Variants in KCNAB2 observed in about 807,000 individuals in gnomAD.
KCNAB2 encodes voltage-gated potassium channel subunit beta-2.
KCNAB2 carries 29 observed loss-of-function variants against 63.6 expected under a neutral mutation model. The ratio of observed to expected loss-of-function variants is 0.46; its 90% confidence interval spans 0.34 to 0.62. The LOEUF is 0.62. Among genes scored for constraint, KCNAB2 ranks in the 20% least tolerant of loss-of-function variants. The pLI is 0.01. For synonymous variants in KCNAB2, 222 were observed against 224.2 expected (o/e 0.99, Z 0.09); for missense variants, 359 against 563.9 (o/e 0.64, Z 3.68).
rs4908763 is a variant in KCNAB2, at chr1:6,087,347, C to T, written c.426-120C>T. ...ATGGAGAAGTGCCCATTTCATGCCC[C>T]AGGCTCCTGGGTGGGAGGGCTTTCA... On this transcript the variant is annotated intron_variant, in intron 6 of 15. Transcript: ENST00000378083. This position sits in a 1 kb window ranked among gnomAD's most constrained non-coding sequence, Gnocchi z 6.4. 0.12 allele frequency: 135,972 copies of T among 1,088,954 alleles called. 9,216 individuals are homozygous for T. Among genetic ancestry groups the T allele is most frequent in the African/African-American group, 0.21 (13,739 of 64,466 alleles). 67.5% of individuals were successfully genotyped at this position (1,088,954 alleles called of 1,614,324 possible). A position where few individuals can be genotyped will look rare whatever the true frequency, so the allele number is the denominator to read the frequency against.
chr1:6,065,562 C>A (rs1203711825), intron 2 of KCNAB2, among the ~76,000 whole-genome samples: 1 of 152,134 alleles, frequency 6.6e-6, no homozygotes, highest in Non-Finnish European at 1.5e-5. Flanking sequence ...CCCTGCGCAG[C>A]CCCCCAGGCC....
intron 15 of KCNAB2, chr1:6,097,638 C>T (rs1329606139): frequency 2.6e-5 from 15 of 585,912 alleles, no homozygotes; most frequent in African/African-American, 5.6e-5. Flanking sequence ...GGGACGGTGG[C>T]GCTGCAGACT....
chr1:6,017,268 T>A (rs1658561274), intron 1 of KCNAB2, among the ~76,000 whole-genome samples: 1 of 152,100 alleles, frequency 6.6e-6, no homozygotes, highest in African/African-American at 2.4e-5. Context: ...GAGCTTTTTT[T>A]GAGATGAGGT....
At chr1:6,009,464 C>T (rs1658023675) in intron 1 of KCNAB2, among the ~76,000 whole-genome samples, 1 of 152,244 alleles carries the variant, frequency 6.6e-6, no homozygotes, top group Admixed American at 6.5e-5. Flanking sequence ...GATGCACGTC[C>T]CCTGTCTAGA....
Position 6,091,311 on chromosome 1 carries a change from CA to C in KCNAB2, c.646+5del. The C allele has an allele frequency of 6.5e-7, 1 of 1,527,172 alleles. No homozygotes were observed. Among genetic ancestry groups the C allele is most frequent in the Non-Finnish European group, 8.8e-7 (1 of 1,138,814 alleles). 94.6% of individuals were successfully genotyped at this position (1,527,172 alleles called of 1,614,324 possible). On this transcript the variant is annotated splice_donor_5th_base_variant and intron_variant, in intron 10 of 15. Transcript: ENST00000378083. ...TCAAGGACATTCATCATAGAAGGTA[CA>C]CAGTGCCCCCAGCCTGACTATTGAC... is the stretch of plus-strand genomic sequence containing the variant.
intron 15 of KCNAB2, chr1:6,097,561 A>G: frequency 1.1e-6 from 1 of 909,546 alleles, no homozygotes; most frequent in Non-Finnish European, 1.7e-6. Context: ...AGGAGGTTAG[A>G]ATGTGTGTCA....
chr1:6,075,041 G>T (rs555485325), intron 4 of KCNAB2, among the ~76,000 whole-genome samples: 7 of 152,052 alleles, frequency 4.6e-5, no homozygotes, highest in Non-Finnish European at 1.0e-4. Flanking sequence ...TCAGGGTGAA[G>T]TCTGGAGTTA....
chr1:6,062,262 C>T (rs542527231), intron 2 of KCNAB2, among the ~76,000 whole-genome samples: 1 of 148,760 alleles, frequency 6.7e-6, no homozygotes, highest in South Asian at 2.1e-4. Context: ...TGCAGTGAGC[C>T]AAGATTGCAC....
intron 2 of KCNAB2, among the ~76,000 whole-genome samples, chr1:6,055,792 TG>T (rs1347814605): frequency 6.6e-6 from 1 of 151,910 alleles, no homozygotes; most frequent in Non-Finnish European, 1.5e-5. Context: ...ACGGGGTGGG[TG>T]GGATGCTCCG....
At chr1:6,076,131 G>A (rs1254563469) in intron 4 of KCNAB2, among the ~76,000 whole-genome samples, 1 of 152,238 alleles carries the variant, frequency 6.6e-6, no homozygotes, top group Non-Finnish European at 1.5e-5. Context: ...CGCAGCAGCT[G>A]TACCCTGCAC....
chr1:6,057,082 T>A (rs960123754), intron 2 of KCNAB2, among the ~76,000 whole-genome samples: 1 of 150,948 alleles, frequency 6.6e-6, no homozygotes, highest in Non-Finnish European at 1.5e-5. Context: ...TTAATCTACT[T>A]TCCAAAGCAC....
chr1:6,067,164 G>A (rs530150803), intron 2 of KCNAB2, among the ~76,000 whole-genome samples: 3 of 152,282 alleles, frequency 2.0e-5, no homozygotes, highest in South Asian at 2.1e-4. Context: ...CCTTGATTGC[G>A]TCCAGAACCA....
rs980145448 is a variant in KCNAB2, at chr1:6,028,925, A to C, written c.-52-11592A>C. On this transcript the variant is annotated intron_variant, in intron 1 of 16. Coordinates refer to the KCNAB2 transcript ENST00000341524. The surrounding 1 kb of genome is among the most constrained non-coding windows in gnomAD (Gnocchi z 4.0). ...CCTTTGAGCTTCCAGGATGATTCGG[A>C]ATTTGGATGCAGCCACAGAAAGCCT... 6.6e-6 allele frequency among the ~76,000 whole-genome samples: 1 copy of C among 152,192 alleles called. No homozygotes were observed. Among genetic ancestry groups the C allele is most frequent in the African/African-American group, 2.4e-5 (1 of 41,446 alleles).
At chr1:6,072,711 G>T (rs750430313) in intron 2 of KCNAB2, 44 bp from the exon 3 acceptor site, 6 of 1,608,772 alleles carry the variant, frequency 3.7e-6, no homozygotes, top group Non-Finnish European at 5.1e-6. Context: ...GGCTGGCAGG[G>T]TCCTGCCTGG....
intron 2 of KCNAB2, among the ~76,000 whole-genome samples, chr1:6,065,176 A>G (rs4908754): frequency 0.34 from 51,772 of 152,100 alleles, 10,825 homozygotes; most frequent in African/African-American, 0.59. Flanking sequence ...GACCGGAGCA[A>G]GCACTGCCTT....
At position 6,084,544 on chromosome 1, in the gene KCNAB2, G is replaced by A. The variant is rs539999847; in HGVS notation, c.381-660G>A. 1.1e-3 allele frequency among the ~76,000 whole-genome samples: 161 copies of A among 152,292 alleles called. 1 individual carries two copies. Among genetic ancestry groups the A allele is most frequent in the Non-Finnish European group, 1.8e-3 (123 of 68,018 alleles). ...TGAAAAAAGATACTTGTCCCGGCGC[G>A]GTGGCTCACGCCTGGAATCCCAGCA... is the stretch of plus-strand genomic sequence containing the variant. On this transcript the variant is annotated intron_variant, in intron 5 of 15. Coordinates refer to ENST00000378083, the MANE Select transcript of KCNAB2 (RefSeq NM_001199862.2).
intron 2 of KCNAB2, among the ~76,000 whole-genome samples, chr1:6,056,897 AGT>A: frequency 6.6e-6 from 1 of 151,638 alleles, no homozygotes; most frequent in Non-Finnish European, 1.5e-5. Context: ...GCACCTATGA[AGT>A]CATCAGAAGC....
Position 6,008,848 on chromosome 1 carries a change from G to C in KCNAB2, c.-53+16060G>C, listed in dbSNP as rs12404082. ...GAGGTCACCTGGGGGACTTGTTTCC[G>C]TGGGAACCTCAGGCCTTGGGCCTGA... On this transcript the variant is annotated intron_variant, in intron 1 of 16. Transcript: ENST00000341524. Among the ~76,000 whole-genome samples, 7 of 152,280 alleles carry C rather than the reference G, an allele frequency of 4.6e-5. No homozygotes were observed. The East Asian group carries it at 1.4e-3, about 29-fold the overall frequency.
At chr1:6,025,288 A>AG (rs1659071703) in intron 1 of KCNAB2, among the ~76,000 whole-genome samples, 1 of 151,986 alleles carries the variant, frequency 6.6e-6, no homozygotes, top group Non-Finnish European at 1.5e-5. Flanking sequence ...AATCACACAC[A>AG]CGGGTGTGGC....
Sources: allele counts gnomAD v4.1 joint callset (sites outside exome capture counted in the v4.1 genomes callset), GRCh38; gene constraint gnomAD v4.1.1; non-coding constraint Gnocchi (gnomAD v3.1); transcripts MANE v1.5; gene names NCBI Gene and HGNC (gene_info 2026-07-23, HGNC 2026-07-21).